SYNGR1: variants seen among roughly 807,000 people sequenced by gnomAD.
SYNGR1 encodes synaptogyrin 1.
Under a neutral mutation model 26.1 loss-of-function variants are expected in SYNGR1, and 14 were observed. The ratio of observed to expected loss-of-function variants is 0.54; its 90% CI spans 0.35 to 0.84. SYNGR1 has a LOEUF of 0.84. Ranked by LOEUF, SYNGR1 falls within the 40% of genes least tolerant of loss-of-function variation. SYNGR1 has a pLI of 0.01. For synonymous variants in SYNGR1, 141 were observed against 150.1 expected, an observed-to-expected ratio of 0.94 and a Z score of 0.44; for missense variants, 319 against 332.9, an observed-to-expected ratio of 0.96 and a Z score of 0.33.
rs1925525368 is a variant in SYNGR1, at chr22:39,382,264, GA to G, written c.*351del. 2.5e-6 allele frequency: 1 copy of G among 407,896 alleles called. No individual in the cohort carries two copies. The highest frequency in any genetic ancestry group is 4.6e-6 in the Non-Finnish European group (1 of 216,854). The allele number at this position is 407,896 out of a possible 1,614,324, so 25.3% of individuals were successfully genotyped here. ...AGAAATGGCCACTGGAAAGGGGAGC[GA>G]TGAGCTGTGGAGGAAGCCCTGGTGG... On this transcript the variant is annotated 3_prime_UTR_variant, in exon 4 of 4. Transcript: ENST00000328933.
At position 39,374,551 on chromosome 22, in the gene SYNGR1, C is replaced by T. The variant is rs1381239144; in HGVS notation, c.335C>T (p.Ser112Leu). The change falls in exon 2 of 4, where the codon TCG (serine) becomes TTG (leucine). Residue 112 changes from serine (S) to leucine (L), a missense_variant and splice_region_variant. Ser to Leu is a moderately radical substitution (Grantham distance 145). Transcript: ENST00000328933. The part of the protein sequence containing the change: ...KKAVLSDIGV[S>L]AFWAFLWFVG... The stretch of plus-strand genomic sequence containing the variant: ...GCCGTCCTGTCCGACATCGGTGTCT[C>T]GGGTGAGCCCCACCCAGCAGGTACC... 5 of 1,612,888 alleles carry T rather than the reference C, an allele frequency of 3.1e-6. No individual in the cohort carries two copies. The highest frequency in any genetic ancestry group is 1.3e-5 in the African/African-American group (1 of 74,906).
At chr22:39,374,791 T>C (rs138689916) in intron 2 of SYNGR1, 4 of 575,882 alleles carry the variant, frequency 6.9e-6, no homozygotes, top group Non-Finnish European at 1.2e-5. Flanking sequence ...GGGATTCTAG[T>C]TCCTTCTAGT....
chr22:39,368,478 G>C (rs772436999), intron 1 of SYNGR1, among the ~76,000 whole-genome samples: 5 of 152,208 alleles, frequency 3.3e-5, no homozygotes, highest in Non-Finnish European at 7.3e-5. Context: ...CTTGTGACCT[G>C]TGATGAATGC....
Position 39,362,254 on chromosome 22 carries a change from G to C in SYNGR1, c.100-12062G>C, listed in dbSNP as rs556740877. ...GAGGGAGGGGCCTGCAGATCACCCA[G>C]GCCCAGCCTCAGCACCTTGGGGAGG... On this transcript the variant is annotated intron_variant, in intron 1 of 3. Transcript: ENST00000328933. 1.2e-4 allele frequency among the ~76,000 whole-genome samples: 18 copies of C among 152,248 alleles called. No homozygotes were observed. The South Asian group carries it at 3.3e-3, about 28-fold the overall frequency.
At chr22:39,354,462 G>A (rs1355008361) in intron 1 of SYNGR1, among the ~76,000 whole-genome samples, 1 of 152,168 alleles carries the variant, frequency 6.6e-6, no homozygotes, top group Non-Finnish European at 1.5e-5. Context: ...CCAAGGGGTG[G>A]CCTGAGGGGG....
rs12166817 is a variant in SYNGR1 at position 39,350,419 on chromosome 22, C to T, written c.99+310C>T. 2.2e-4 allele frequency among the ~76,000 whole-genome samples: 34 copies of T among 152,044 alleles called. No homozygotes were observed. In the East Asian group the frequency reaches 5.8e-3, roughly 26 times the overall value. On this transcript the variant is annotated intron_variant, in intron 1 of 3. Coordinates refer to ENST00000328933, the MANE Select transcript of SYNGR1 (RefSeq NM_004711.5). This position sits in a 1 kb window ranked among gnomAD's most constrained non-coding sequence, Gnocchi z 4.3. The stretch of plus-strand genomic sequence containing the variant: ...TGTGACCTCCAGGCCGCGGCTATGC[C>T]GCGAAAGGCTCGGATTGTGCGCGGC...
intron 1 of SYNGR1, among the ~76,000 whole-genome samples, chr22:39,355,407 G>A (rs1349672618): frequency 6.6e-6 from 1 of 152,236 alleles, no homozygotes. Flanking sequence ...ATTTATTGCT[G>A]ACCACCCTGG....
intron 2 of SYNGR1, chr22:39,375,823 G>C: frequency 1.5e-6 from 1 of 649,544 alleles, no homozygotes; most frequent in Non-Finnish European, 2.8e-6. Context: ...TGCCCTGTCT[G>C]TGGCCTCCTC....
intron 1 of SYNGR1, among the ~76,000 whole-genome samples, chr22:39,352,443 G>C (rs558566022): frequency 1.3e-5 from 2 of 152,356 alleles, no homozygotes; most frequent in East Asian, 1.9e-4. Flanking sequence ...AAATGGTGAA[G>C]ATGGTAAATT....
At chr22:39,351,885 G>A (rs769068387) in intron 1 of SYNGR1, among the ~76,000 whole-genome samples, 3 of 152,242 alleles carry the variant, frequency 2.0e-5, no homozygotes, top group African/African-American at 4.8e-5. Flanking sequence ...TGAAGGTGAT[G>A]TCAGATTGGG....
At chr22:39,359,095 A>C (rs1292678965) in intron 1 of SYNGR1, among the ~76,000 whole-genome samples, 2 of 152,134 alleles carry the variant, frequency 1.3e-5, no homozygotes, top group African/African-American at 4.8e-5. Flanking sequence ...ACCTTTTGTA[A>C]ATTGCACTGT....
In SYNGR1 at chr22:39,381,941, C is replaced by A; in HGVS notation, c.*27C>A. On this transcript the variant is annotated 3_prime_UTR_variant, in exon 4 of 4. Coordinates refer to ENST00000328933, the MANE Select transcript of SYNGR1 (RefSeq NM_004711.5). Reference sequence around the variant, plus strand: ...CCACAGTGACCGCCTGCCCCCGCCCCTCCCCATCTGTCCCCTCTCTCCACA... The same window carrying A: ...CCACAGTGACCGCCTGCCCCCGCCCATCCCCATCTGTCCCCTCTCTCCACA... 1 of 1,572,536 alleles carries A rather than the reference C, an allele frequency of 6.4e-7. No individual in the cohort carries two copies.
chr22:39,367,518 C>T (rs1924817951), intron 1 of SYNGR1, among the ~76,000 whole-genome samples: 1 of 152,176 alleles, frequency 6.6e-6, no homozygotes, highest in Admixed American at 6.5e-5. Flanking sequence ...GCCTTGACCC[C>T]AGCCTTAGAA....
rs1925520750 is a variant in SYNGR1 at position 39,382,139 on chromosome 22, G to A, written c.*225G>A. On this transcript the variant is annotated 3_prime_UTR_variant, in exon 4 of 4. Transcript: ENST00000328933. ...TGTGCCCCGCAGGGGCCTAGAGGGT[G>A]GGGGCCAGGGGTATTTGCATTCATA... 1.7e-6 allele frequency: 1 copy of A among 602,992 alleles called. No homozygotes were observed. 37.4% of individuals were successfully genotyped at this position (602,992 alleles called of 1,614,324 possible).
intron 2 of SYNGR1, chr22:39,374,774 C>G: frequency 3.3e-6 from 2 of 609,996 alleles, no homozygotes; most frequent in Non-Finnish European, 5.8e-6. Flanking sequence ...GGCAGGGGAG[C>G]GTGGATGGGA....
chr22:39,350,018 G>A lies in SYNGR1; in HGVS notation c.8G>A (p.Gly3Glu), dbSNP rs530522137. 3.0e-6 allele frequency: 4 copies of A among 1,346,572 alleles called. No individual in the cohort carries two copies. Among genetic ancestry groups the A allele is most frequent in the African/African-American group, 1.5e-5 (1 of 66,070 alleles). The allele number at this position is 1,346,572 out of a possible 1,614,324, so 83.4% of individuals were successfully genotyped here. ME[G>E]GAYGAGKAGG... Reference sequence around the variant, plus strand: ...CGCGCGGGTGCAGCCACGATGGAAGGGGGTGCGTACGGAGCGGGCAAAGCC... The same window carrying A: ...CGCGCGGGTGCAGCCACGATGGAAGAGGGTGCGTACGGAGCGGGCAAAGCC... The change falls in exon 1 of 4, where the codon GGG (glycine) becomes GAG (glutamate). Residue 3 changes from glycine (G) to glutamate (E), a missense_variant. Coordinates refer to ENST00000328933, the MANE Select transcript of SYNGR1 (RefSeq NM_004711.5). This position sits in a 1 kb window ranked among gnomAD's most constrained non-coding sequence, Gnocchi z 4.3.
intron 3 of SYNGR1, chr22:39,378,143 TC>T (rs1925372190): frequency 8.7e-7 from 1 of 1,146,048 alleles, no homozygotes; most frequent in South Asian, 1.9e-5. Flanking sequence ...AAGAGTGACC[TC>T]ACTGTCCTTA....
Position 39,350,191 on chromosome 22 carries a change from A to G in SYNGR1, c.99+82A>G. Reference sequence around the variant, plus strand: ...AGGCGGCGCGCCCGGACCGACCCCGACCCCGACCCCAACGGGCCCCCGGCG... The same window carrying G: ...AGGCGGCGCGCCCGGACCGACCCCGGCCCCGACCCCAACGGGCCCCCGGCG... On this transcript the variant is annotated intron_variant, in intron 1 of 3. Transcript: ENST00000328933. This position sits in a 1 kb window ranked among gnomAD's most constrained non-coding sequence, Gnocchi z 4.3. The G allele has an allele frequency of 1.0e-6, 1 of 976,262 alleles. No homozygotes were observed. The highest frequency in any genetic ancestry group is 4.2e-5 in the Admixed American group (1 of 23,626). The allele number at this position is 976,262 out of a possible 1,614,324, so 60.5% of individuals were successfully genotyped here. A position where few individuals can be genotyped will look rare whatever the true frequency, so the allele number is the denominator to read the frequency against.
chr22:39,350,286 C>G lies in SYNGR1; in HGVS notation c.99+177C>G, dbSNP rs1923839961. ...CTGCCGCCGCTCCTCCTTCCCGGGCCCGGGGCGGGCGGGATCCCTGGTGCT... is the reference window on the plus strand; with the variant it reads ...CTGCCGCCGCTCCTCCTTCCCGGGCGCGGGGCGGGCGGGATCCCTGGTGCT... On this transcript the variant is annotated intron_variant, in intron 1 of 3. Transcript: ENST00000328933. This position sits in a 1 kb window ranked among gnomAD's most constrained non-coding sequence, Gnocchi z 4.3. 6.6e-6 allele frequency among the ~76,000 whole-genome samples: 1 copy of G among 151,926 alleles called. No individual in the cohort carries two copies. Among genetic ancestry groups the G allele is most frequent in the Non-Finnish European group, 1.5e-5 (1 of 67,944 alleles).
Sources: allele counts gnomAD v4.1 joint callset (sites outside exome capture counted in the v4.1 genomes callset), GRCh38; gene constraint gnomAD v4.1.1; non-coding constraint Gnocchi (gnomAD v3.1); transcripts MANE v1.5; gene names NCBI Gene and HGNC (gene_info 2026-07-23, HGNC 2026-07-21).